CHL1: variants seen among roughly 807,000 people sequenced by gnomAD.
CHL1 encodes the protein cell adhesion molecule L1 like.
In CHL1, 96 loss-of-function variants were observed where a neutral mutation model predicts 141.9. That is an observed-to-expected ratio of 0.68 (90% CI 0.57 to 0.80). The LOEUF is 0.80. Ranked by LOEUF, CHL1 falls within the 30% of genes least tolerant of loss-of-function variation. The probability of loss-of-function intolerance (pLI) is 0.00; values close to 1 mark genes in which losing one functional copy is unlikely to be tolerated. For synonymous variants in CHL1, 613 were observed against 502.2 expected (o/e 1.22, Z -2.95); for missense variants, 1,820 against 1,457.2 (o/e 1.25, Z -4.05).
At chr3:277,217 T>C (rs2125275993) in intron 2 of CHL1, among the ~76,000 whole-genome samples, 1 of 152,264 alleles carries the variant, frequency 6.6e-6, no homozygotes, top group African/African-American at 2.4e-5. Context: ...AAATTATGCA[T>C]CTGCTTGAAA....
intron 3 of CHL1, 142 bp downstream of exon 3, chr3:320,009 T>G (rs1052970759): frequency 1.7e-6 from 1 of 574,912 alleles, no homozygotes; most frequent in Admixed American, 3.3e-5. Context: ...AGAATTCATA[T>G]CTATCTTTTT....
chr3:288,221 C>A (rs1053185030), intron 2 of CHL1, among the ~76,000 whole-genome samples: 1 of 152,154 alleles, frequency 6.6e-6, no homozygotes, highest in Non-Finnish European at 1.5e-5. Context: ...TTGGTCACTA[C>A]TTTAAGATTT....
intron 26 of CHL1, among the ~76,000 whole-genome samples, chr3:399,389 T>C (rs2387186): frequency 0.98 from 149,924 of 152,292 alleles, 73,834 homozygotes; most frequent in Middle Eastern, 1. Context: ...CGCCTGTAAT[T>C]CCAGCAGTTT....
intron 15 of CHL1, among the ~76,000 whole-genome samples, chr3:368,806 G>A (rs187745305): frequency 5.3e-5 from 8 of 152,134 alleles, no homozygotes; most frequent in Admixed American, 3.9e-4. Flanking sequence ...TCAGTTGTTT[G>A]CACATGGCTA....
intron 1 of CHL1, among the ~76,000 whole-genome samples, chr3:235,967 A>G (rs945198254): frequency 6.6e-6 from 1 of 152,116 alleles, no homozygotes; most frequent in Admixed American, 6.6e-5. Flanking sequence ...AAGTTTCATG[A>G]TTTGGTATTG....
At chr3:298,855 A>G (rs994633329) in intron 2 of CHL1, among the ~76,000 whole-genome samples, 1 of 152,250 alleles carries the variant, frequency 6.6e-6, no homozygotes, top group African/African-American at 2.4e-5. Context: ...TAAGATGATG[A>G]ACACAAAATC....
At chr3:341,798 A>G in intron 6 of CHL1, 114 bp from the exon 7 acceptor site, 1 of 900,906 alleles carries the variant, frequency 1.1e-6, no homozygotes, top group East Asian at 2.8e-5. Flanking sequence ...GAGAGGAATT[A>G]AAGAGCAAAC....
chr3:255,297 C>G (rs1161304801), intron 2 of CHL1, among the ~76,000 whole-genome samples: 1 of 152,148 alleles, frequency 6.6e-6, no homozygotes, highest in African/African-American at 2.4e-5. Context: ...GGAGTCCCAG[C>G]TGCTAGGATT....
intron 1 of CHL1, among the ~76,000 whole-genome samples, chr3:225,950 A>T (rs1286450461): frequency 6.6e-6 from 1 of 151,454 alleles, no homozygotes; most frequent in South Asian, 2.1e-4. Flanking sequence ...CGGAGCTTGC[A>T]GTGAGCCGAG....
At chr3:325,938 A>G in intron 3 of CHL1, 21 bp from the exon 4 acceptor site, 1 of 1,540,134 alleles carries the variant, frequency 6.5e-7, no homozygotes, top group Non-Finnish European at 9.0e-7. Context: ...TGTGTTTTTA[A>G]GTACATATTT....
chr3:253,919 A>C (rs140905081), intron 2 of CHL1, among the ~76,000 whole-genome samples: 1 of 152,218 alleles, frequency 6.6e-6, no homozygotes, highest in African/African-American at 2.4e-5. Flanking sequence ...TTTATTGAGA[A>C]CTTACACTGA....
At chr3:304,891 T>G (rs544978483) in intron 2 of CHL1, among the ~76,000 whole-genome samples, 1 of 152,334 alleles carries the variant, frequency 6.6e-6, no homozygotes, top group South Asian at 2.1e-4. Flanking sequence ...GCTATAAATT[T>G]CCCTCTAAAC....
intron 2 of CHL1, among the ~76,000 whole-genome samples, chr3:264,680 A>C (rs1433804871): frequency 6.6e-6 from 1 of 152,244 alleles, no homozygotes; most frequent in Non-Finnish European, 1.5e-5. Context: ...TAACTCTTAG[A>C]ATGAATGATC....
intron 2 of CHL1, among the ~76,000 whole-genome samples, chr3:288,824 A>G (rs1477213878): frequency 6.6e-6 from 1 of 152,250 alleles, no homozygotes; most frequent in Non-Finnish European, 1.5e-5. Flanking sequence ...ATCATTAAAT[A>G]TAGTTTGAGA....
At position 341,196 on chromosome 3, in the gene CHL1, C is replaced by G. The variant is rs567208008; in HGVS notation, c.508+280C>G. ...TCTTTCTATTTTAGTAATGCTCTAC[C>G]TGCTAATTGCAGTCACCTACCAGGA... On this transcript the variant is annotated intron_variant, in intron 6 of 27. Coordinates refer to ENST00000256509, the MANE Select transcript of CHL1 (RefSeq NM_006614.4). Among the ~76,000 whole-genome samples, 4 of 152,202 alleles carry G rather than the reference C, an allele frequency of 2.6e-5. No individual in the cohort carries two copies. In the East Asian group the frequency reaches 7.7e-4, roughly 29 times the overall value.
chr3:309,214 T>G (rs1699527235), intron 2 of CHL1: 1 of 152,630 alleles, frequency 6.6e-6, no homozygotes, highest in Non-Finnish European at 1.5e-5. Flanking sequence ...GGGCCCGCCT[T>G]AGTCCTGGCA....
intron 2 of CHL1, among the ~76,000 whole-genome samples, chr3:276,739 A>G (rs1485594660): frequency 6.6e-6 from 1 of 151,906 alleles, no homozygotes; most frequent in Non-Finnish European, 1.5e-5. Flanking sequence ...AATACAAAAA[A>G]TTAGCTGGGC....
In CHL1 at chr3:407,393, A is replaced by T. The variant is rs977550904; in HGVS notation, c.*1682A>T. ...TCCTTTTGAACCTCACGAGTCATCC[A>T]GAATGTATAGACAGGAAAAGCATGT... is the stretch of plus-strand genomic sequence containing the variant. On this transcript the variant is annotated 3_prime_UTR_variant, in exon 28 of 28. Coordinates refer to ENST00000256509, the MANE Select transcript of CHL1 (RefSeq NM_006614.4). The T allele has an allele frequency of 1.3e-5, 2 of 152,140 alleles. No individual in the cohort carries two copies. The highest frequency in any genetic ancestry group is 2.9e-5 in the Non-Finnish European group (2 of 68,022). 9.4% of individuals were successfully genotyped at this position (152,140 alleles called of 1,614,324 possible). A position where few individuals can be genotyped will look rare whatever the true frequency, so the allele number is the denominator to read the frequency against.
rs146649015 is a variant in CHL1 at position 401,789 on chromosome 3, G to T, written c.3458+91G>T. On this transcript the variant is annotated intron_variant, in intron 27 of 27. Coordinates refer to ENST00000256509, the MANE Select transcript of CHL1 (RefSeq NM_006614.4). Reference sequence around the variant, plus strand: ...AAAGGTGTTTATTCTTAATAAAAAGGTTACATAACTACAATGTAATGACCC... The same window carrying T: ...AAAGGTGTTTATTCTTAATAAAAAGTTTACATAACTACAATGTAATGACCC... 104 of 731,522 alleles carry T rather than the reference G, an allele frequency of 1.4e-4. No individual in the cohort carries two copies. The East Asian group carries it at 2.3e-3, about 16-fold the overall frequency. 45.3% of individuals were successfully genotyped at this position (731,522 alleles called of 1,614,324 possible).
Sources: gnomAD v4.1 joint callset for allele counts (sites outside exome capture counted in the v4.1 genomes callset) on GRCh38, gnomAD v4.1.1 for gene constraint, MANE v1.5 for transcripts, NCBI Gene and HGNC (gene_info 2026-07-23, HGNC 2026-07-21) for gene names.